The following RPAP3 variants were observed in gnomAD, a reference collection of about 807,000 sequenced individuals.
RPAP3 encodes RNA polymerase II associated protein 3.
In RPAP3, 58 loss-of-function variants were observed where a neutral mutation model predicts 88.8. The ratio of observed to expected loss-of-function variants is 0.65; its 90% CI spans 0.53 to 0.81. The LOEUF (loss-of-function observed/expected upper bound fraction) is 0.81. RPAP3 is among the 40% of genes least tolerant of loss of function. The pLI, the probability that RPAP3 is intolerant of heterozygous loss-of-function variation, is 0.00. For synonymous variants in RPAP3, 255 were observed against 259.9 expected, an observed-to-expected ratio of 0.98 and a Z score of 0.18; for missense variants, 751 against 764.3, an observed-to-expected ratio of 0.98 and a Z score of 0.20.
rs762048346 is a variant in RPAP3, at chr12:47,697,764, G to A, written c.295-45C>T. The A allele has an allele frequency of 9.4e-5, 143 of 1,521,278 alleles. No individual in the cohort carries two copies. In the Middle Eastern group the frequency reaches 1.5e-3, roughly 16 times the overall value. 94.2% of individuals were successfully genotyped at this position (1,521,278 alleles called of 1,614,324 possible). ...AACAGGGGTCATAATTATATGATTA[G>A]GAAAAAAAAGAAAAAAAGACATACT... is the stretch of plus-strand genomic sequence containing the variant. On this transcript the variant is annotated intron_variant, in intron 3 of 16. Coordinates refer to ENST00000005386, the MANE Select transcript of RPAP3 (RefSeq NM_024604.3).
intron 16 of RPAP3, among the ~76,000 whole-genome samples, chr12:47,665,065 G>A (rs1183261184): frequency 6.6e-6 from 1 of 151,434 alleles, no homozygotes; most frequent in Non-Finnish European, 1.5e-5. Flanking sequence ...AGTCCTCGAG[G>A]CCAAAATAAG....
At chr12:47,679,632 T>A in intron 11 of RPAP3, 38 bp from the exon 12 acceptor site, 9 of 1,522,680 alleles carry the variant, frequency 5.9e-6, no homozygotes, top group Non-Finnish European at 8.1e-6. Flanking sequence ...TTCAAAATAT[T>A]TATTATACAA....
intron 12 of RPAP3, among the ~76,000 whole-genome samples, chr12:47,674,139 C>T (rs1317577266): frequency 2.1e-5 from 3 of 142,558 alleles, no homozygotes; most frequent in Admixed American, 7.0e-5. Flanking sequence ...ATTTCCTTTA[C>T]GAGTTAGGGG....
At position 47,670,119 on chromosome 12, in the gene RPAP3, G is replaced by A; in HGVS notation, c.1514C>T (p.Thr505Ile). 1.3e-6 allele frequency: 2 copies of A among 1,590,064 alleles called. No homozygotes were observed. The highest frequency in any genetic ancestry group is 1.7e-6 in the Non-Finnish European group (2 of 1,158,328). The change falls in exon 13 of 17, where the codon ACT becomes ATT. Residue 505 changes from threonine to isoleucine, a missense_variant. Physicochemically the swap from Thr to Ile is moderately conservative, Grantham distance 89. Coordinates refer to ENST00000005386, the MANE Select transcript of RPAP3 (RefSeq NM_024604.3). ...KVLKIEEVSDTSSLQPQASLK... is the reference protein window; with the variant it reads ...KVLKIEEVSDISSLQPQASLK... ...TATTTCTACTCACTGCAGGGATGAAGTATCACTGACTTCTTCTATTTTCAA... is the reference window on the plus strand; with the variant it reads ...TATTTCTACTCACTGCAGGGATGAAATATCACTGACTTCTTCTATTTTCAA...
Position 47,663,592 on chromosome 12 carries a change from T to A in RPAP3, c.1913-2A>T. ...TGTGATTAAATAATGCACGTGCAAC[T>A]GAAAAAGAAAAAGAAATTCTCCATT... On this transcript the variant is annotated splice_acceptor_variant, in intron 16 of 16. Transcript: ENST00000005386. LOFTEE classifies it high-confidence loss of function. 2 of 1,516,146 alleles carry A rather than the reference T, an allele frequency of 1.3e-6. No homozygotes were observed. Among genetic ancestry groups the A allele is most frequent in the Non-Finnish European group, 1.8e-6 (2 of 1,125,446 alleles). The allele number at this position is 1,516,146 out of a possible 1,614,324, so 93.9% of individuals were successfully genotyped here. A position where few individuals can be genotyped will look rare whatever the true frequency, so the allele number is the denominator to read the frequency against.
In RPAP3 at chr12:47,685,903, C is replaced by T. The variant is rs188246083; in HGVS notation, c.992+877G>A. ...TGCCTGTATTTTAAATGTAATTTCT[C>T]ATTTTGAGGTGTGTTAATAAAAAAT... is the stretch of plus-strand genomic sequence containing the variant. On this transcript the variant is annotated intron_variant, in intron 9 of 16. Transcript: ENST00000005386. Among the ~76,000 whole-genome samples, 47 of 152,164 alleles carry T rather than the reference C, an allele frequency of 3.1e-4. 1 individual carries two copies. The highest frequency in any genetic ancestry group is 1.1e-3 in the African/African-American group (46 of 41,508).
At chr12:47,681,845 G>A in intron 9 of RPAP3, 28 bp from the exon 10 acceptor site, 3 of 1,526,442 alleles carry the variant, frequency 2.0e-6, no homozygotes, top group East Asian at 2.5e-5. Flanking sequence ...ATTACTGACT[G>A]GAAAAAAGGC....
chr12:47,685,271 T>C (rs557360533), intron 9 of RPAP3, among the ~76,000 whole-genome samples: 1 of 151,160 alleles, frequency 6.6e-6, no homozygotes, highest in Non-Finnish European at 1.5e-5. Flanking sequence ...CCCAGCAACT[T>C]GGGAGGTTGA....
chr12:47,669,324 TCTC>T (rs1387367419), intron 13 of RPAP3, among the ~76,000 whole-genome samples: 1 of 152,218 alleles, frequency 6.6e-6, no homozygotes, highest in Non-Finnish European at 1.5e-5. Flanking sequence ...TAATGACTAT[TCTC>T]CTCTGCTGGG....
Position 47,667,758 on chromosome 12 carries a change from T to C in RPAP3, c.1807A>G (p.Ile603Val), listed in dbSNP as rs1475716668. 19 of 1,591,026 alleles carry C rather than the reference T, an allele frequency of 1.2e-5. No homozygotes were observed. Among genetic ancestry groups the C allele is most frequent in the Non-Finnish European group, 1.6e-5 (19 of 1,164,132 alleles). ...ACTAAAAAAAACTTGACTTACTCAA[T>C]GTAAAAGTCATGCAGAATTTTAACG... ...QIVKILHDFY[I>V]EKEKPLLIFE... is the part of the protein sequence containing the mutation. The change falls in exon 15 of 17, where the codon ATT (isoleucine) becomes GTT (valine). Residue 603 changes from isoleucine to valine, a missense_variant. Ile to Val is a conservative substitution (Grantham distance 29, BLOSUM62 3). Coordinates refer to ENST00000005386, the MANE Select transcript of RPAP3 (RefSeq NM_024604.3).
At chr12:47,678,042 A>G (rs968792210) in intron 12 of RPAP3, among the ~76,000 whole-genome samples, 1 of 152,242 alleles carries the variant, frequency 6.6e-6, no homozygotes, top group Non-Finnish European at 1.5e-5. Flanking sequence ...TACTGGTACC[A>G]AAACAGAGAT....
At chr12:47,681,921 A>G (rs1169924468) in intron 9 of RPAP3, 104 bp from the exon 10 acceptor site, 1 of 1,074,264 alleles carries the variant, frequency 9.3e-7, no homozygotes, top group Non-Finnish European at 1.3e-6. Context: ...AATTTCAATC[A>G]CTAACTTCTA....
rs200781166 is a variant in RPAP3 at position 47,663,525 on chromosome 12, T to C, written c.1978A>G (p.Lys660Glu). ...GLKDSSVEEL[K>E]KRYGG ...GGAAATCAACCACCGTATCTTTTCT[T>C]GAGTTCTTCGACAGAACTATCCTTC... Residue 660 changes from lysine (K) to glutamate (E), a missense_variant, in exon 17 of 17, where the codon AAG becomes GAG. Coordinates refer to ENST00000005386, the MANE Select transcript of RPAP3 (RefSeq NM_024604.3). 1 of 1,591,470 alleles carries C rather than the reference T, an allele frequency of 6.3e-7. No homozygotes were observed. The highest frequency in any genetic ancestry group is 8.6e-7 in the Non-Finnish European group (1 of 1,169,082).
chr12:47,670,382 T>G (rs376404500), intron 12 of RPAP3, 37 bp from the exon 13 acceptor site: 2 of 1,248,966 alleles, frequency 1.6e-6, no homozygotes, highest in African/African-American at 3.0e-5. Flanking sequence ...AATCAAAATA[T>G]TAAAGGTTTC....
At chr12:47,676,098 A>T (rs1939109473) in intron 12 of RPAP3, among the ~76,000 whole-genome samples, 1 of 152,204 alleles carries the variant, frequency 6.6e-6, no homozygotes, top group East Asian at 1.9e-4. Context: ...AACTCACTCA[A>T]AACTGCACAA....
chr12:47,700,691 T>C (rs1265483480), intron 3 of RPAP3, among the ~76,000 whole-genome samples: 4 of 152,204 alleles, frequency 2.6e-5, no homozygotes, highest in Non-Finnish European at 5.9e-5. Context: ...ATTCTCCAAG[T>C]ATGTTGTGTA....
intron 9 of RPAP3, 48 bp from the exon 10 acceptor site, chr12:47,681,865 A>T (rs1939230205): frequency 6.6e-7 from 1 of 1,509,400 alleles, no homozygotes; most frequent in South Asian, 1.4e-5. Flanking sequence ...CAGCTTATGG[A>T]AAAATGTCAT....
rs1009855120 is a variant in RPAP3, at chr12:47,698,672, C to T, written c.295-953G>A. 5.9e-5 allele frequency among the ~76,000 whole-genome samples: 9 copies of T among 152,206 alleles called. No individual in the cohort carries two copies. In the South Asian group the frequency reaches 1.7e-3, roughly 28 times the overall value. ...GGGACTATAGGCATGCACCACCATGCGCAGCTAATTTTTTTATTTTTTGTA... is the reference window on the plus strand; with the variant it reads ...GGGACTATAGGCATGCACCACCATGTGCAGCTAATTTTTTTATTTTTTGTA... On this transcript the variant is annotated intron_variant, in intron 3 of 16. Coordinates refer to ENST00000005386, the MANE Select transcript of RPAP3 (RefSeq NM_024604.3).
chr12:47,680,950 CAAAA>C (rs996479317), intron 10 of RPAP3, among the ~76,000 whole-genome samples: 1 of 86,636 alleles, frequency 1.2e-5, no homozygotes, highest in Admixed American at 1.3e-4. Flanking sequence ...TACTGGGATT[CAAAA>C]AAAAACAAAA....
Sources: gnomAD v4.1 joint callset for allele counts (sites outside exome capture counted in the v4.1 genomes callset) on GRCh38, gnomAD v4.1.1 for gene constraint, MANE v1.5 for transcripts, NCBI Gene and HGNC (gene_info 2026-07-23, HGNC 2026-07-21) for gene names.